The following TMTC1 variants were observed in gnomAD, a reference collection of about 807,000 sequenced individuals.
The protein encoded by TMTC1 is transmembrane O-mannosyltransferase targeting cadherins 1, also known as protein O-mannosyl-transferase TMTC1.
A neutral mutation model predicts 104.8 loss-of-function variants in TMTC1; 73 were observed. The ratio of observed to expected loss-of-function variants is 0.70; its 90% CI spans 0.58 to 0.85. The LOEUF (loss-of-function observed/expected upper bound fraction) is 0.85, where lower values mean the gene tolerates loss of function less well. Among genes scored for constraint, TMTC1 ranks in the 40% least tolerant of loss-of-function variants. The pLI, the probability that TMTC1 is intolerant of heterozygous loss-of-function variation, is 0.00. For synonymous variants in TMTC1, 434 were observed against 428.7 expected (o/e 1.01, Z -0.15); for missense variants, 1,035 against 1,096.1 (o/e 0.94, Z 0.79).
intron 8 of TMTC1, among the ~76,000 whole-genome samples, chr12:29,579,866 A>G (rs957270877): frequency 6.6e-5 from 10 of 152,184 alleles, no homozygotes; most frequent in Non-Finnish European, 1.5e-4. Flanking sequence ...TTAGGTTAAA[A>G]CACAATGTAA....
At chr12:29,624,571 T>C (rs572323074) in intron 6 of TMTC1, among the ~76,000 whole-genome samples, 1 of 152,294 alleles carries the variant, frequency 6.6e-6, no homozygotes, top group East Asian at 1.9e-4. Flanking sequence ...GGTCTAGTAC[T>C]TTCCTGCCTC....
chr12:29,684,953 T>C (rs909528719), intron 5 of TMTC1, among the ~76,000 whole-genome samples: 2 of 152,212 alleles, frequency 1.3e-5, no homozygotes, highest in African/African-American at 4.8e-5. Flanking sequence ...TTAATAAAAT[T>C]CTACAAACCT....
intron 5 of TMTC1, among the ~76,000 whole-genome samples, chr12:29,656,339 T>TATATACAC (rs896600524): frequency 6.8e-6 from 1 of 146,936 alleles, no homozygotes; most frequent in African/African-American, 2.5e-5. Context: ...TATATATATA[T>TATATACAC]ACACACATAC....
chr12:29,691,242 C>T (rs1463623044), intron 5 of TMTC1, among the ~76,000 whole-genome samples: 1 of 152,174 alleles, frequency 6.6e-6, no homozygotes, highest in Non-Finnish European at 1.5e-5. Context: ...GATGCACCAG[C>T]TGACACCACC....
intron 6 of TMTC1, among the ~76,000 whole-genome samples, chr12:29,616,576 G>C (rs1162164845): frequency 6.6e-6 from 1 of 150,752 alleles, no homozygotes; most frequent in African/African-American, 2.4e-5. Context: ...GCTGAGGCAG[G>C]AGAATCGCTT....
At chr12:29,607,116 G>T (rs945213685) in intron 6 of TMTC1, among the ~76,000 whole-genome samples, 1 of 152,178 alleles carries the variant, frequency 6.6e-6, no homozygotes, top group African/African-American at 2.4e-5. Flanking sequence ...AAGCCACAGG[G>T]CTGCGTGTTC....
chr12:29,646,940 A>G (rs1326094705), intron 5 of TMTC1, among the ~76,000 whole-genome samples: 1 of 152,200 alleles, frequency 6.6e-6, no homozygotes, highest in East Asian at 1.9e-4. Context: ...TATATTAAAC[A>G]TGTTTCCTTG....
At chr12:29,702,562 C>G (rs1941625282) in intron 5 of TMTC1, among the ~76,000 whole-genome samples, 1 of 152,194 alleles carries the variant, frequency 6.6e-6, no homozygotes, top group African/African-American at 2.4e-5. Context: ...ACAGGGGTTG[C>G]AGCTTTTACA....
At position 29,511,253 on chromosome 12, in the gene TMTC1, C is replaced by A. The variant is rs948914249; in HGVS notation, c.2508+790G>T. ...TGTATGTATGTTTGTATTAATATAT[C>A]AACTCCTCCTCCTCCTTGTATTAAT... On this transcript the variant is annotated intron_variant, in intron 17 of 17. Transcript: ENST00000539277. Among the ~76,000 whole-genome samples the A allele has an allele frequency of 2.7e-5, 4 of 148,648 alleles. No homozygotes were observed. In the South Asian group the frequency reaches 6.2e-4, roughly 23 times the overall value.
At chr12:29,539,409 C>T (rs1196516309) in intron 10 of TMTC1, among the ~76,000 whole-genome samples, 1 of 152,138 alleles carries the variant, frequency 6.6e-6, no homozygotes, top group Non-Finnish European at 1.5e-5. Context: ...GATTTTAGTT[C>T]CCTCATTCTT....
intron 5 of TMTC1, among the ~76,000 whole-genome samples, chr12:29,699,649 CTTTTTTTTTTTT>C (rs71444337): frequency 3.5e-5 from 3 of 86,848 alleles, no homozygotes; most frequent in Non-Finnish European, 6.3e-5. Flanking sequence ...TCATCTGGTG[CTTTTTTTTTTTT>C]TTTTTTTTTT....
chr12:29,701,246 C>A (rs1941585507), intron 5 of TMTC1, among the ~76,000 whole-genome samples: 1 of 152,202 alleles, frequency 6.6e-6, no homozygotes, highest in Non-Finnish European at 1.5e-5. Context: ...AAATGTGCCA[C>A]TGAGGCTTCC....
At chr12:29,707,106 CT>C (rs1251610850) in intron 5 of TMTC1, among the ~76,000 whole-genome samples, 1 of 152,114 alleles carries the variant, frequency 6.6e-6, no homozygotes, top group African/African-American at 2.4e-5. Flanking sequence ...GATGAACTCC[CT>C]GCAAAATGGT....
chr12:29,674,943 A>G (rs12228730), intron 5 of TMTC1, among the ~76,000 whole-genome samples: 84,251 of 152,064 alleles, frequency 0.55, 23,568 homozygotes, highest in African/African-American at 0.63. Flanking sequence ...TGATTTTCAC[A>G]GGGGCTTGTT....
chr12:29,753,742 G>A (rs1440960825), intron 4 of TMTC1, among the ~76,000 whole-genome samples: 2 of 152,230 alleles, frequency 1.3e-5, no homozygotes, highest in Non-Finnish European at 2.9e-5. Flanking sequence ...TTTGCGGGAA[G>A]GAACCATATT....
intron 5 of TMTC1, among the ~76,000 whole-genome samples, chr12:29,704,929 G>A (rs1941698478): frequency 6.6e-6 from 1 of 152,118 alleles, no homozygotes; most frequent in African/African-American, 2.4e-5. Flanking sequence ...AGAATAATAA[G>A]AAAACTTAAA....
rs372059579 is a variant in TMTC1, at chr12:29,604,249, C to A, written c.1179G>T (p.Pro393=). 6.2e-7 allele frequency: 1 copy of A among 1,613,898 alleles called. No individual in the cohort carries two copies. The highest frequency in any genetic ancestry group is 1.1e-5 in the South Asian group (1 of 91,084). Residue 393 remains proline, a synonymous_variant, in exon 7 of 18, where the codon CCG becomes CCT. Coordinates refer to ENST00000539277, the MANE Select transcript of TMTC1 (RefSeq NM_001193451.2). ...AGAAGAGGTTGCTGGCTGGAATGAA[C>A]GGGAACACCAGGAACAACAAGCCGA... ...VLVGLLFLVF[P]FIPASNLFFR...
At chr12:29,707,391 G>A (rs1300375800) in intron 5 of TMTC1, among the ~76,000 whole-genome samples, 2 of 152,058 alleles carry the variant, frequency 1.3e-5, no homozygotes, top group African/African-American at 4.8e-5. Flanking sequence ...CCTGCTCCCT[G>A]CCAGCCCCTT....
Position 29,504,910 on chromosome 12 carries a change from A to G in TMTC1, c.*1936T>C, listed in dbSNP as rs1037129678. The G allele has an allele frequency of 3.9e-5, 6 of 152,212 alleles. No homozygotes were observed. Among genetic ancestry groups the G allele is most frequent in the Admixed American group, 3.3e-4 (5 of 15,278 alleles). 9.4% of individuals were successfully genotyped at this position (152,212 alleles called of 1,614,324 possible). A position where few individuals can be genotyped will look rare whatever the true frequency, so the allele number is the denominator to read the frequency against. The stretch of plus-strand genomic sequence containing the variant: ...TTGAGGGTGTGGTTGTTATTTTACA[A>G]TAAACACTGGAGTATGTTTCTTGAC... On this transcript the variant is annotated 3_prime_UTR_variant, in exon 18 of 18. Transcript: ENST00000539277.
Sources: gnomAD v4.1 joint callset for allele counts (sites outside exome capture counted in the v4.1 genomes callset) on GRCh38, gnomAD v4.1.1 for gene constraint, MANE v1.5 for transcripts, NCBI Gene and HGNC (gene_info 2026-07-23, HGNC 2026-07-21) for gene names.